The following MPP7 variants were observed in gnomAD, a reference collection of about 807,000 sequenced individuals.
MPP7 encodes the protein MAGUK p55 scaffold protein 7, also known as MAGUK p55 subfamily member 7.
Under a neutral mutation model 76.5 loss-of-function variants are expected in MPP7, and 60 were observed. The observed-to-expected ratio is 0.78, with a 90% confidence interval of 0.64 to 0.97. The LOEUF is 0.97. MPP7 is among the 50% of genes least tolerant of loss of function. MPP7 has a pLI of 0.00. For missense variants in MPP7, 641 were observed against 694.0 expected (o/e 0.92, Z 0.86); for synonymous variants, 237 against 244.5 (o/e 0.97, Z 0.29).
At chr10:28,327,292 T>C (rs961652296) in intron 2 of MPP7, among the ~76,000 whole-genome samples, 1 of 150,334 alleles carries the variant, frequency 6.7e-6, no homozygotes, top group Non-Finnish European at 1.5e-5. Context: ...GAAAGAGATA[T>C]TCAAAATGCA....
chr10:28,074,548 T>C (rs938807715), intron 12 of MPP7, among the ~76,000 whole-genome samples: 2 of 152,148 alleles, frequency 1.3e-5, no homozygotes, highest in African/African-American at 4.8e-5. Context: ...CCACCCACCT[T>C]GGCTTCCCAA....
Position 28,119,685 on chromosome 10 carries a change from C to T in MPP7, c.918G>A (p.Leu306=), listed in dbSNP as rs774298437. 1.1e-5 allele frequency: 18 copies of T among 1,613,490 alleles called. No homozygotes were observed. The Admixed American group carries it at 2.5e-4, about 22-fold the overall frequency. The change falls in exon 11 of 17, where the codon TTG becomes TTA. Residue 306 remains leucine (L), a synonymous_variant. Coordinates refer to ENST00000683449, the MANE Select transcript of MPP7 (RefSeq NM_001318170.2). The part of the protein sequence containing the change: ...RRLALRRPEI[L]VQPLKVSNRK... ...TGTTGGAAACTTTCAGGGGCTGAAC[C>T]AATATTTCTGGTCGTCTCAAAGCCA...
chr10:28,144,428 G>A (rs1835636254), intron 5 of MPP7, among the ~76,000 whole-genome samples: 1 of 152,106 alleles, frequency 6.6e-6, no homozygotes, highest in African/African-American at 2.4e-5. Flanking sequence ...GGAACTGCAG[G>A]CATGAAGCCG....
intron 3 of MPP7, among the ~76,000 whole-genome samples, chr10:28,168,985 C>T (rs1250000237): frequency 6.6e-6 from 1 of 152,098 alleles, no homozygotes. Context: ...ACAGTACTGT[C>T]CCAGTTCCAT....
At chr10:28,173,877 T>A (rs1836770081) in intron 3 of MPP7, among the ~76,000 whole-genome samples, 1 of 152,172 alleles carries the variant, frequency 6.6e-6, no homozygotes, top group Non-Finnish European at 1.5e-5. Flanking sequence ...ATATTCATTC[T>A]CACCAAATTA....
At chr10:28,128,258 G>C (rs1252605217) in intron 6 of MPP7, among the ~76,000 whole-genome samples, 1 of 152,188 alleles carries the variant, frequency 6.6e-6, no homozygotes, top group East Asian at 1.9e-4. Flanking sequence ...GAAATGCTTA[G>C]ACCAGAAGTG....
chr10:28,200,211 G>C (rs1837725305), intron 3 of MPP7, among the ~76,000 whole-genome samples: 1 of 152,160 alleles, frequency 6.6e-6, no homozygotes, highest in Non-Finnish European at 1.5e-5. Flanking sequence ...AAGTATTGCA[G>C]ACTTTACATA....
At chr10:28,134,631 C>A (rs1835298484) in intron 5 of MPP7, among the ~76,000 whole-genome samples, 1 of 151,968 alleles carries the variant, frequency 6.6e-6, no homozygotes, top group African/African-American at 2.4e-5. Context: ...ATAATGGCTG[C>A]AAATTTTTGA....
intron 3 of MPP7, among the ~76,000 whole-genome samples, chr10:28,177,954 C>T (rs750430170): frequency 2.6e-5 from 4 of 152,120 alleles, no homozygotes; most frequent in Admixed American, 1.3e-4. Flanking sequence ...GCAGCAGATT[C>T]CAGGTCTCTC....
intron 1 of MPP7, among the ~76,000 whole-genome samples, chr10:28,330,742 G>C (rs973828909): frequency 1.3e-5 from 2 of 152,070 alleles, no homozygotes; most frequent in African/African-American, 4.8e-5. Flanking sequence ...GTAAAATTGA[G>C]CTTCTGGGCT....
intron 11 of MPP7, among the ~76,000 whole-genome samples, chr10:28,108,688 TA>T (rs1834403932): frequency 6.6e-6 from 1 of 151,332 alleles, no homozygotes; most frequent in Non-Finnish European, 1.5e-5. Flanking sequence ...TAAAATAATA[TA>T]AAATAATATA....
intron 11 of MPP7, among the ~76,000 whole-genome samples, chr10:28,113,783 G>A (rs781137385): frequency 5.3e-5 from 8 of 152,174 alleles, no homozygotes; most frequent in Non-Finnish European, 1.2e-4. Context: ...CATGCCATCT[G>A]GCTCGAGTCT....
chr10:28,265,472 T>C (rs1048211364), intron 1 of MPP7, among the ~76,000 whole-genome samples: 2 of 152,002 alleles, frequency 1.3e-5, no homozygotes, highest in African/African-American at 4.8e-5. Context: ...GGTGGGAGGA[T>C]TGCTTGAGTC....
intron 2 of MPP7, among the ~76,000 whole-genome samples, chr10:28,319,773 C>T (rs968323810): frequency 3.3e-5 from 5 of 152,048 alleles, no homozygotes; most frequent in African/African-American, 7.2e-5. Flanking sequence ...GCCAGGGGTT[C>T]GAGACCAGCC....
chr10:28,215,096 C>G (rs1838265687), intron 2 of MPP7, among the ~76,000 whole-genome samples: 1 of 152,104 alleles, frequency 6.6e-6, no homozygotes, highest in African/African-American at 2.4e-5. Flanking sequence ...TATTCCATCT[C>G]CAGCCTGAAC....
chr10:28,239,982 T>C (rs954383159), intron 1 of MPP7, among the ~76,000 whole-genome samples: 1 of 152,106 alleles, frequency 6.6e-6, no homozygotes, highest in Non-Finnish European at 1.5e-5. Context: ...AATGAGATTA[T>C]ACAATGAAAA....
intron 2 of MPP7, among the ~76,000 whole-genome samples, chr10:28,325,999 C>G (rs11007023): frequency 2.1e-5 from 3 of 146,194 alleles, no homozygotes; most frequent in Non-Finnish European, 4.5e-5. Context: ...AAAAAAAATT[C>G]CTTAAAGAGA....
intron 2 of MPP7, among the ~76,000 whole-genome samples, chr10:28,321,603 T>G (rs772590429): frequency 3.3e-5 from 5 of 152,186 alleles, no homozygotes; most frequent in Non-Finnish European, 5.9e-5. Context: ...TTTTTGTTTT[T>G]GAGACAGGGT....
chr10:28,120,772 G>T, intron 8 of MPP7, 104 bp from the exon 9 acceptor site: 1 of 824,040 alleles, frequency 1.2e-6, no homozygotes, highest in Non-Finnish European at 2.0e-6. Flanking sequence ...CAAGCTTGGG[G>T]CTTCTACTCT....
Sources: allele counts gnomAD v4.1 joint callset (sites outside exome capture counted in the v4.1 genomes callset), GRCh38; gene constraint gnomAD v4.1.1; transcripts MANE v1.5; gene names NCBI Gene and HGNC (gene_info 2026-07-23, HGNC 2026-07-21).